The following MICU1 variants were observed in gnomAD, a reference collection of about 807,000 sequenced individuals.
The protein encoded by MICU1 is mitochondrial calcium uptake 1.
Under a neutral mutation model 56.8 loss-of-function variants are expected in MICU1, and 45 were observed. That is an observed-to-expected ratio of 0.79 (90% confidence interval 0.62 to 1.02). The LOEUF is 1.02. MICU1 is among the 50% of genes least tolerant of loss of function. MICU1 has a pLI of 0.00. For synonymous variants in MICU1, 186 were observed against 195.1 expected, an observed-to-expected ratio of 0.95 and a Z score of 0.39; for missense variants, 504 against 587.1, an observed-to-expected ratio of 0.86 and a Z score of 1.46.
At chr10:72,428,649 G>A (rs1202528591) in intron 8 of MICU1, among the ~76,000 whole-genome samples, 3 of 152,066 alleles carry the variant, frequency 2.0e-5, no homozygotes, top group African/African-American at 7.2e-5. Context: ...AAAAATTTCA[G>A]GTTGGTGATC....
rs1473671227 is a variant in MICU1 at position 72,475,164 on chromosome 10, T to G, written c.869A>C (p.Lys290Thr). ...TTCGAGGAAGTTTTTGATTGTCAGC[T>G]TTCCCTTCAGATCAGCTCCAAAAAA... ...TYFFGADLKG[K>T]LTIKNFLEFQ... Residue 290 changes from lysine to threonine, a missense_variant, in exon 8 of 12, where the codon AAG becomes ACG. Transcript: ENST00000361114. The G allele has an allele frequency of 1.2e-6, 2 of 1,611,534 alleles. No individual in the cohort carries two copies. The highest frequency in any genetic ancestry group is 1.7e-6 in the Non-Finnish European group (2 of 1,178,828).
chr10:72,551,548 T>C (rs928364503), intron 3 of MICU1, among the ~76,000 whole-genome samples: 2 of 152,294 alleles, frequency 1.3e-5, no homozygotes, highest in Admixed American at 1.3e-4. Context: ...TTTCTTGCAA[T>C]ATACCATTCA....
intron 9 of MICU1, among the ~76,000 whole-genome samples, chr10:72,415,718 T>G (rs1863962354): frequency 6.6e-6 from 1 of 152,196 alleles, no homozygotes; most frequent in Admixed American, 6.5e-5. Flanking sequence ...TTTCTAGCTA[T>G]CTTCCTAAGA....
intron 3 of MICU1, among the ~76,000 whole-genome samples, chr10:72,553,316 C>T (rs1283318618): frequency 6.6e-6 from 1 of 150,998 alleles, no homozygotes; most frequent in Non-Finnish European, 1.5e-5. Flanking sequence ...TCACTGCAAG[C>T]TCTACCTCCC....
chr10:72,403,679 G>A (rs935305752), intron 10 of MICU1, among the ~76,000 whole-genome samples: 44 of 124,648 alleles, frequency 3.5e-4, no homozygotes, highest in African/African-American at 8.3e-4. Flanking sequence ...GTTTTGAGAC[G>A]GAGTCTCGCT....
chr10:72,414,386 T>C (rs2132118214), intron 9 of MICU1, among the ~76,000 whole-genome samples: 1 of 152,206 alleles, frequency 6.6e-6, no homozygotes, highest in East Asian at 1.9e-4. Context: ...AAACTATTAA[T>C]ATAAGCATCT....
At chr10:72,607,000 A>G (rs1401240792) in intron 1 of MICU1, among the ~76,000 whole-genome samples, 4 of 152,092 alleles carry the variant, frequency 2.6e-5, no homozygotes, top group Non-Finnish European at 5.9e-5. Flanking sequence ...ACCTTGCCCT[A>G]CGCAACTCTT....
chr10:72,384,318 G>A (rs963893586), intron 10 of MICU1, among the ~76,000 whole-genome samples: 9 of 152,044 alleles, frequency 5.9e-5, no homozygotes, highest in African/African-American at 1.2e-4. Context: ...TAAACCTTCC[G>A]AGGCTTCTCA....
At chr10:72,405,091 T>G (rs1268636410) in intron 10 of MICU1, among the ~76,000 whole-genome samples, 1 of 151,724 alleles carries the variant, frequency 6.6e-6, no homozygotes, top group Non-Finnish European at 1.5e-5. Flanking sequence ...TATTTTTAGT[T>G]ACAGATGGGG....
chr10:72,470,845 TG>T (rs1865929426), intron 8 of MICU1, among the ~76,000 whole-genome samples: 2 of 152,310 alleles, frequency 1.3e-5, no homozygotes, highest in South Asian at 4.1e-4. Context: ...AAGAGTCTAT[TG>T]GTCTCCTCAC....
intron 3 of MICU1, among the ~76,000 whole-genome samples, chr10:72,560,894 C>T (rs149467251): frequency 5.0e-4 from 76 of 151,556 alleles, no homozygotes; most frequent in African/African-American, 1.8e-3. Context: ...AAACACAAAA[C>T]TTATGGCATA....
At chr10:72,383,733 G>A (rs892720346) in intron 10 of MICU1, among the ~76,000 whole-genome samples, 1 of 152,170 alleles carries the variant, frequency 6.6e-6, no homozygotes, top group Admixed American at 6.5e-5. Flanking sequence ...TAAACTGAGA[G>A]TAACTGATAT....
intron 5 of MICU1, among the ~76,000 whole-genome samples, chr10:72,523,534 A>G (rs1867883729): frequency 6.6e-6 from 1 of 152,150 alleles, no homozygotes; most frequent in South Asian, 2.1e-4. Context: ...ATTACACCCC[A>G]TTTTTCAAAC....
chr10:72,403,292 G>T (rs1423306717), intron 10 of MICU1, among the ~76,000 whole-genome samples: 1 of 151,918 alleles, frequency 6.6e-6, no homozygotes, highest in Non-Finnish European at 1.5e-5. Context: ...TGGGAGGTGG[G>T]GGTTGCAGTG....
chr10:72,557,209 T>C (rs1240903887), intron 3 of MICU1, among the ~76,000 whole-genome samples: 3 of 152,334 alleles, frequency 2.0e-5, no homozygotes, highest in Non-Finnish European at 1.5e-5. Flanking sequence ...ATTGTCTTTC[T>C]CACTAAGATA....
chr10:72,372,329 C>T (rs1276827760), intron 11 of MICU1, among the ~76,000 whole-genome samples: 2 of 151,930 alleles, frequency 1.3e-5, no homozygotes, highest in Admixed American at 6.6e-5. Context: ...GATCGCACCA[C>T]CACACTCCTG....
At chr10:72,455,865 T>C (rs979484626) in intron 8 of MICU1, among the ~76,000 whole-genome samples, 1 of 151,052 alleles carries the variant, frequency 6.6e-6, no homozygotes, top group African/African-American at 2.4e-5. Context: ...AAAAGCTGCA[T>C]AGGACACATT....
chr10:72,428,349 CTT>C (rs944270557), intron 8 of MICU1, among the ~76,000 whole-genome samples: 2 of 152,186 alleles, frequency 1.3e-5, no homozygotes, highest in African/African-American at 4.8e-5. Context: ...GAGTTTTGCT[CTT>C]GTTGCCCAGG....
intron 8 of MICU1, among the ~76,000 whole-genome samples, chr10:72,470,258 C>T (rs1045997245): frequency 1.3e-5 from 2 of 152,146 alleles, no homozygotes; most frequent in African/African-American, 4.8e-5. Flanking sequence ...CACGCTTCCT[C>T]AAAGAAGGAC....
Sources: allele counts gnomAD v4.1 joint callset (sites outside exome capture counted in the v4.1 genomes callset), GRCh38; gene constraint gnomAD v4.1.1; transcripts MANE v1.5; gene names NCBI Gene and HGNC (gene_info 2026-07-23, HGNC 2026-07-21).